The following MGAT1 variants were observed in gnomAD, a reference collection of about 807,000 sequenced individuals.
The protein encoded by MGAT1 is alpha-1,3-mannosyl-glycoprotein 2-beta-N-acetylglucosaminyltransferase.
Under a neutral mutation model 31.7 loss-of-function variants are expected in MGAT1, and 14 were observed. The ratio of observed to expected loss-of-function variants is 0.44; its 90% CI spans 0.29 to 0.69. The LOEUF is 0.69. MGAT1 is among the 30% of genes least tolerant of loss of function. The probability of loss-of-function intolerance (pLI) is 0.12; values close to 1 mark genes in which losing one functional copy is unlikely to be tolerated. For missense variants in MGAT1, 557 were observed against 626.0 expected, an observed-to-expected ratio of 0.89 and a Z score of 1.18; for synonymous variants, 338 against 276.0, an observed-to-expected ratio of 1.22 and a Z score of -2.23.
intron 1 of MGAT1, among the ~76,000 whole-genome samples, chr5:180,797,128 C>T (rs1769564393): frequency 1.3e-5 from 2 of 151,970 alleles, no homozygotes; most frequent in African/African-American, 4.8e-5. Context: ...TGGGGCCCCA[C>T]TGGGCTTGGT....
rs1234828384 is a variant in MGAT1, at chr5:180,791,329, G to C, written c.*305C>G. On this transcript the variant is annotated 3_prime_UTR_variant, in exon 2 of 2. Transcript: ENST00000307826. Reference sequence around the variant, plus strand: ...GAACGTTGCCAAACTCTCTGCACATGCTCCAGGAGAAAGCTCAGGACGTGG... The same window carrying C: ...GAACGTTGCCAAACTCTCTGCACATCCTCCAGGAGAAAGCTCAGGACGTGG... 1 of 455,008 alleles carries C rather than the reference G, an allele frequency of 2.2e-6. No homozygotes were observed. The highest frequency in any genetic ancestry group is 3.9e-6 in the Non-Finnish European group (1 of 253,550). The allele number at this position is 455,008 out of a possible 1,614,324, so 28.2% of individuals were successfully genotyped here. A position where few individuals can be genotyped will look rare whatever the true frequency, so the allele number is the denominator to read the frequency against.
intron 1 of MGAT1, among the ~76,000 whole-genome samples, chr5:180,799,909 T>C (rs1010379217): frequency 6.6e-6 from 1 of 152,104 alleles, no homozygotes; most frequent in East Asian, 1.9e-4. Flanking sequence ...CACTGCTACA[T>C]GGACAGGACC....
At chr5:180,797,429 AGG>A (rs796983204) in intron 1 of MGAT1, among the ~76,000 whole-genome samples, 13 of 90,428 alleles carry the variant, frequency 1.4e-4, no homozygotes, top group Admixed American at 4.4e-4. Context: ...AAAAAAAAAA[AGG>A]GGGGGGGGGC....
intron 1 of MGAT1, among the ~76,000 whole-genome samples, chr5:180,798,610 G>A (rs1489519247): frequency 6.6e-6 from 1 of 152,228 alleles, no homozygotes; most frequent in African/African-American, 2.4e-5. Flanking sequence ...TTCCTCAACT[G>A]TAACTGCCAA....
upstream of MGAT1, among the ~76,000 whole-genome samples, chr5:180,806,122 C>G (rs1020696417): frequency 6.6e-6 from 1 of 152,066 alleles, no homozygotes; most frequent in Non-Finnish European, 1.5e-5. Flanking sequence ...CTCATCTCTA[C>G]TAAAATACAA....
At chr5:180,804,130 GGGCCTCACGGGCCAAACCCTCCCTC>G (rs1771486984), upstream of MGAT1, among the ~76,000 whole-genome samples, 2 of 149,336 alleles carry the variant, frequency 1.3e-5, no homozygotes, top group Admixed American at 1.3e-4. Context: ...GCATGGTGAG[GGGCCTCACGGGCCAAACCCTCCCTC>G]GGCCTGTCCT....
At chr5:180,796,915 T>C (rs1769519657) in intron 1 of MGAT1, among the ~76,000 whole-genome samples, 1 of 151,784 alleles carries the variant, frequency 6.6e-6, no homozygotes, top group Non-Finnish European at 1.5e-5. Flanking sequence ...CCCAGAAGAG[T>C]TTCAGTTTCT....
chr5:180,800,621 T>G (rs961766227), intron 1 of MGAT1, among the ~76,000 whole-genome samples: 1 of 152,098 alleles, frequency 6.6e-6, no homozygotes, highest in Non-Finnish European at 1.5e-5. Context: ...GCAAGCCAGG[T>G]GAAAGTGTAT....
chr5:180,810,618 C>T (rs893888541), intron 1 of MGAT1: 1 of 152,338 alleles, frequency 6.6e-6, no homozygotes, highest in Non-Finnish European at 1.5e-5. Context: ...CTCCCTCCGC[C>T]CAAAGGTCGC....
At chr5:180,802,875 G>T (rs1581890106), upstream of MGAT1, 4 of 150,326 alleles carry the variant, frequency 2.7e-5, no homozygotes, top group African/African-American at 9.7e-5. Context: ...GGGGCGGGGC[G>T]GACTGAGGGG....
At chr5:180,802,642 TC>T in intron 1 of MGAT1, 37 bp downstream of exon 1, 1 of 152,376 alleles carries the variant, frequency 6.6e-6, no homozygotes, top group Non-Finnish European at 1.5e-5. Flanking sequence ...CCGCGAGGCC[TC>T]CCCCGGTCTG....
chr5:180,786,622 C>T lies in MGAT1; in HGVS notation c.*5012G>A, dbSNP rs746763297. 6.6e-6 allele frequency: 1 copy of T among 152,518 alleles called. No homozygotes were observed. Among genetic ancestry groups the T allele is most frequent in the Non-Finnish European group, 1.5e-5 (1 of 68,304 alleles). 9.4% of individuals were successfully genotyped at this position (152,518 alleles called of 1,614,324 possible). On this transcript the variant is annotated 3_prime_UTR_variant, in exon 2 of 2. Transcript: ENST00000307826. Reference sequence around the variant, plus strand: ...AGAGGAGGAGGCAGCTGCCATCCACCCTTTACCTTCTTCCTTCCTCCTTCT... The same window carrying T: ...AGAGGAGGAGGCAGCTGCCATCCACTCTTTACCTTCTTCCTTCCTCCTTCT...
At chr5:180,802,082 A>G (rs1261076861) in intron 1 of MGAT1, among the ~76,000 whole-genome samples, 1 of 152,134 alleles carries the variant, frequency 6.6e-6, no homozygotes, top group Non-Finnish European at 1.5e-5. Context: ...GACCCACTAC[A>G]GCAGCAAGGG....
rs887740241 is a variant in MGAT1 at position 180,789,294 on chromosome 5, T to G, written c.*2340A>C. The G allele has an allele frequency of 4.6e-5, 7 of 152,226 alleles. No individual in the cohort carries two copies. Among genetic ancestry groups the G allele is most frequent in the Admixed American group, 3.9e-4 (6 of 15,280 alleles). 9.4% of individuals were successfully genotyped at this position (152,226 alleles called of 1,614,324 possible). A position where few individuals can be genotyped will look rare whatever the true frequency, so the allele number is the denominator to read the frequency against. On this transcript the variant is annotated 3_prime_UTR_variant, in exon 2 of 2. Transcript: ENST00000307826. ...CTAGCCCAGGGTTTTTGGTTTGTTTTGTTTTGAGACGCAGTTTCGCTCTTA... is the reference window on the plus strand; with the variant it reads ...CTAGCCCAGGGTTTTTGGTTTGTTTGGTTTTGAGACGCAGTTTCGCTCTTA...
chr5:180,814,664 G>A (rs647131), intron 1 of MGAT1, among the ~76,000 whole-genome samples: 27,385 of 152,018 alleles, frequency 0.18, 2,894 homozygotes, highest in African/African-American at 0.3. Flanking sequence ...AACTGGGGTC[G>A]GGTGCAGTGG....
At chr5:180,802,092 G>A (rs1770896207) in intron 1 of MGAT1, among the ~76,000 whole-genome samples, 1 of 151,896 alleles carries the variant, frequency 6.6e-6, no homozygotes, top group Admixed American at 6.6e-5. Context: ...AGCAGCAAGG[G>A]TTAACCAAAG....
At chr5:180,813,009 C>T (rs748967707) in intron 1 of MGAT1, among the ~76,000 whole-genome samples, 1 of 152,106 alleles carries the variant, frequency 6.6e-6, no homozygotes, top group Non-Finnish European at 1.5e-5. Flanking sequence ...ATAATTATCT[C>T]CCCTATTTTT....
upstream of MGAT1, among the ~76,000 whole-genome samples, chr5:180,807,379 A>G (rs1772007718): frequency 6.6e-6 from 1 of 152,190 alleles, no homozygotes; most frequent in South Asian, 2.1e-4. Context: ...GCATCTTGGC[A>G]CAGGTAAATT....
upstream of MGAT1, among the ~76,000 whole-genome samples, chr5:180,803,066 C>G (rs1771254793): frequency 6.6e-6 from 1 of 152,198 alleles, no homozygotes; most frequent in African/African-American, 2.4e-5. Flanking sequence ...GGACGCCCGA[C>G]CCCACCCCTG....
Sources: gnomAD v4.1 joint callset for allele counts (sites outside exome capture counted in the v4.1 genomes callset) on GRCh38, gnomAD v4.1.1 for gene constraint, MANE v1.5 for transcripts, NCBI Gene and HGNC (gene_info 2026-07-23, HGNC 2026-07-21) for gene names.